The following SNX24 variants were observed in gnomAD, a reference collection of about 807,000 sequenced individuals.
The protein encoded by SNX24 is sorting nexin 24.
In SNX24, 22 loss-of-function variants were observed where a neutral mutation model predicts 28.7. That is an observed-to-expected ratio of 0.77 (90% CI 0.55 to 1.10). The LOEUF (loss-of-function observed/expected upper bound fraction) is 1.10. Ranked by LOEUF, SNX24 falls within the 50% of genes least tolerant of loss-of-function variation. SNX24 has a pLI of 0.00. For synonymous variants in SNX24, 69 were observed against 71.5 expected, an observed-to-expected ratio of 0.96 and a Z score of 0.18; for missense variants, 221 against 201.1, an observed-to-expected ratio of 1.10 and a Z score of -0.60.
At chr5:122,912,402 C>T (rs1211530407) in intron 1 of SNX24, among the ~76,000 whole-genome samples, 2 of 151,882 alleles carry the variant, frequency 1.3e-5, no homozygotes, top group Admixed American at 1.3e-4. Flanking sequence ...GATATACAAT[C>T]ATGTCATCTG....
At chr5:123,003,113 T>C (rs910517882) in intron 6 of SNX24, among the ~76,000 whole-genome samples, 1 of 152,174 alleles carries the variant, frequency 6.6e-6, no homozygotes, top group Non-Finnish European at 1.5e-5. Context: ...TAAAACCTTA[T>C]GAGCAGGAGA....
intron 3 of SNX24, chr5:122,965,334 T>C (rs1760674036): frequency 5.0e-6 from 2 of 402,214 alleles, no homozygotes; most frequent in Admixed American, 5.2e-5. Flanking sequence ...TCAGGCCTAA[T>C]TGCTGCCGAC....
chr5:122,875,225 T>C (rs375507100), intron 1 of SNX24, among the ~76,000 whole-genome samples: 1 of 152,246 alleles, frequency 6.6e-6, no homozygotes, highest in African/African-American at 2.4e-5. Flanking sequence ...CAGAATTATT[T>C]CTTATATGTG....
intron 1 of SNX24, among the ~76,000 whole-genome samples, chr5:122,907,469 A>C (rs943427217): frequency 6.6e-6 from 1 of 152,194 alleles, no homozygotes; most frequent in African/African-American, 2.4e-5. Context: ...TCTTTCACCT[A>C]GGAGTCACGG....
In SNX24 at chr5:123,002,133, G is replaced by A. The variant is rs1247037179; in HGVS notation, c.442+129G>A. 5.3e-6 allele frequency: 4 copies of A among 757,184 alleles called. No homozygotes were observed. The African/African-American group carries it at 6.8e-5, about 13-fold the overall frequency. 46.9% of individuals were successfully genotyped at this position (757,184 alleles called of 1,614,324 possible). On this transcript the variant is annotated intron_variant, in intron 6 of 6. Transcript: ENST00000261369. ...CTTAATAATCTGCCAATAAACCAGT[G>A]CTCTTGGTATAAGCGACACTTAGAA...
intron 1 of SNX24, among the ~76,000 whole-genome samples, chr5:122,866,691 T>C (rs1351145798): frequency 6.6e-6 from 1 of 152,200 alleles, no homozygotes; most frequent in African/African-American, 2.4e-5. Context: ...CAGGAGATCC[T>C]TACCTCTGTT....
chr5:123,022,728 T>A (rs1762780015), intron 5 of SNX24: 1 of 152,410 alleles, frequency 6.6e-6, no homozygotes, highest in Non-Finnish European at 1.5e-5. Context: ...TAAGTAATCA[T>A]CCCACCTCAG....
intron 1 of SNX24, 90 bp downstream of exon 1, chr5:122,845,783 C>A: frequency 4.3e-6 from 3 of 701,924 alleles, no homozygotes; most frequent in East Asian, 3.4e-5. Flanking sequence ...GCCGCCTTGG[C>A]GCAGGGGGTC....
intron 1 of SNX24, chr5:122,891,192 T>G: frequency 7.5e-7 from 1 of 1,325,866 alleles, no homozygotes; most frequent in Non-Finnish European, 9.8e-7. Context: ...CTAAGTAGTT[T>G]ATTTTTCTGG....
intron 5 of SNX24, among the ~76,000 whole-genome samples, chr5:123,017,053 C>T (rs894817212): frequency 4.6e-5 from 7 of 152,002 alleles, no homozygotes; most frequent in Admixed American, 2.6e-4. Context: ...CCAGTTTAAT[C>T]TGGTCAGGAA....
chr5:122,934,862 C>T (rs1160992046), intron 1 of SNX24, among the ~76,000 whole-genome samples: 1 of 152,110 alleles, frequency 6.6e-6, no homozygotes, highest in Non-Finnish European at 1.5e-5. Context: ...TCCACCCTCC[C>T]CCACCCTTCA....
At chr5:123,021,101 A>AG (rs1762754632) in intron 5 of SNX24, among the ~76,000 whole-genome samples, 1 of 99,866 alleles carries the variant, frequency 1.0e-5, no homozygotes. Context: ...GCCTCCACAC[A>AG]GTTCCCCCCC....
At chr5:123,002,104 C>G (rs540935418) in intron 6 of SNX24, 100 bp downstream of exon 6, 1 of 929,392 alleles carries the variant, frequency 1.1e-6, no homozygotes, top group Non-Finnish European at 1.8e-6. Context: ...ACATTGGTCC[C>G]GGGCTTAATA....
chr5:122,964,145 A>C (rs1381116524), intron 3 of SNX24, among the ~76,000 whole-genome samples: 3 of 146,450 alleles, frequency 2.0e-5, no homozygotes, highest in Non-Finnish European at 4.5e-5. Flanking sequence ...TGGGAGGCTG[A>C]GGCAGGAGAA....
intron 3 of SNX24, among the ~76,000 whole-genome samples, chr5:122,959,876 A>G (rs116129927): frequency 3.3e-5 from 5 of 152,144 alleles, no homozygotes; most frequent in Admixed American, 2.6e-4. Flanking sequence ...AGCTCACTCT[A>G]CATAGAGGCT....
At chr5:122,892,877 T>G (rs1219103182) in intron 1 of SNX24, among the ~76,000 whole-genome samples, 3 of 152,118 alleles carry the variant, frequency 2.0e-5, no homozygotes, top group African/African-American at 7.2e-5. Flanking sequence ...CAAGCTATTG[T>G]GCCTCAGTCT....
chr5:122,949,126 C>G (rs1759824494), intron 3 of SNX24, among the ~76,000 whole-genome samples: 1 of 152,094 alleles, frequency 6.6e-6, no homozygotes, highest in African/African-American at 2.4e-5. Flanking sequence ...AGATTTTAAA[C>G]AAAGGAAACC....
intron 1 of SNX24, among the ~76,000 whole-genome samples, chr5:122,908,497 T>G (rs925101852): frequency 1.1e-4 from 16 of 152,218 alleles, no homozygotes; most frequent in African/African-American, 3.9e-4. Flanking sequence ...TGCAGATGTT[T>G]TAAAATAACT....
At chr5:123,003,000 A>G (rs1038619132) in intron 6 of SNX24, among the ~76,000 whole-genome samples, 5 of 152,212 alleles carry the variant, frequency 3.3e-5, no homozygotes, top group African/African-American at 7.2e-5. Flanking sequence ...CTTGTTGCCT[A>G]TGTATTCCTT....
Sources: allele counts gnomAD v4.1 joint callset (sites outside exome capture counted in the v4.1 genomes callset), GRCh38; gene constraint gnomAD v4.1.1; transcripts MANE v1.5; gene names NCBI Gene and HGNC (gene_info 2026-07-23, HGNC 2026-07-21).